RALGAPA1: variants seen among roughly 807,000 people sequenced by gnomAD.
RALGAPA1 encodes Ral GTPase activating protein catalytic subunit alpha 1.
In RALGAPA1, 52 loss-of-function variants were observed where a neutral mutation model predicts 269.6. The ratio of observed to expected loss-of-function variants is 0.19; its 90% confidence interval spans 0.15 to 0.24. RALGAPA1 has a LOEUF of 0.24. Among genes scored for constraint, RALGAPA1 ranks in the 10% least tolerant of loss-of-function variants. The pLI, the probability that RALGAPA1 is intolerant of heterozygous loss-of-function variation, is 1.00. For synonymous variants in RALGAPA1, 817 were observed against 1,008.3 expected, an observed-to-expected ratio of 0.81 and a Z score of 3.60; for missense variants, 1,917 against 3,013.9, an observed-to-expected ratio of 0.64 and a Z score of 8.52.
At chr14:35,804,508 G>A in intron 1 of RALGAPA1, among the ~76,000 whole-genome samples, 1 of 151,882 alleles carries the variant, frequency 6.6e-6, no homozygotes, top group East Asian at 1.9e-4. Flanking sequence ...GGCAGAGATT[G>A]CAGTGAGCCG....
intron 4 of RALGAPA1, 148 bp downstream of exon 4, chr14:35,770,794 T>C (rs1183866378): frequency 1.8e-5 from 6 of 340,518 alleles, no homozygotes; most frequent in African/African-American, 6.4e-5. Context: ...ATTTTTCTTA[T>C]ATTCCTAGTC....
intron 16 of RALGAPA1, among the ~76,000 whole-genome samples, chr14:35,714,094 A>T (rs1432297276): frequency 7.4e-6 from 1 of 135,388 alleles, no homozygotes; most frequent in African/African-American, 2.8e-5. Context: ...GACTCCGTCT[A>T]AAAAAAAAAA....
At position 35,539,600 on chromosome 14, in the gene RALGAPA1, C is replaced by T. The variant is rs2053777580; in HGVS notation, c.*114G>A. ...CAGCTTCATGGACATGCGGCTTTTGCTAGTTCGAGGAGACATTGGAGAGGC... is the reference window on the plus strand; with the variant it reads ...CAGCTTCATGGACATGCGGCTTTTGTTAGTTCGAGGAGACATTGGAGAGGC... On this transcript the variant is annotated 3_prime_UTR_variant, in exon 42 of 42. Transcript: ENST00000680220. 1 of 1,613,852 alleles carries T rather than the reference C, an allele frequency of 6.2e-7. No individual in the cohort carries two copies. Among genetic ancestry groups the T allele is most frequent in the Non-Finnish European group, 8.5e-7 (1 of 1,180,042 alleles).
intron 17 of RALGAPA1, among the ~76,000 whole-genome samples, chr14:35,695,024 G>A (rs2066789071): frequency 6.6e-6 from 1 of 152,088 alleles, no homozygotes; most frequent in Non-Finnish European, 1.5e-5. Context: ...AGGTTGCAGT[G>A]AGCCAAGATT....
chr14:35,709,263 G>A (rs924346647), intron 16 of RALGAPA1, among the ~76,000 whole-genome samples: 1 of 152,034 alleles, frequency 6.6e-6, no homozygotes, highest in African/African-American at 2.4e-5. Flanking sequence ...AATGTTTGAG[G>A]TAATGAATAC....
chr14:35,721,903 T>C, intron 15 of RALGAPA1, 54 bp from the exon 16 acceptor site: 1 of 1,477,570 alleles, frequency 6.8e-7, no homozygotes, highest in Non-Finnish European at 9.4e-7. Flanking sequence ...AATAATATCT[T>C]CAAGTTATGC....
intron 40 of RALGAPA1, 113 bp from the exon 41 acceptor site, chr14:35,548,651 C>T (rs1265284867): frequency 1.0e-5 from 7 of 686,478 alleles, no homozygotes; most frequent in South Asian, 4.2e-5. Context: ...TCATAAAATG[C>T]AGTACCCTCT....
At chr14:35,777,496 T>C (rs1595521816) in intron 1 of RALGAPA1, among the ~76,000 whole-genome samples, 1 of 152,204 alleles carries the variant, frequency 6.6e-6, no homozygotes, top group Non-Finnish European at 1.5e-5. Context: ...TTTATGTACT[T>C]CCTACTATTC....
At chr14:35,651,281 T>C (rs550270940) in intron 31 of RALGAPA1, among the ~76,000 whole-genome samples, 1 of 152,160 alleles carries the variant, frequency 6.6e-6, no homozygotes, top group South Asian at 2.1e-4. Flanking sequence ...TATGGAAACT[T>C]AAAAACAAAA....
At chr14:35,738,803 A>G (rs1216425417) in intron 11 of RALGAPA1, among the ~76,000 whole-genome samples, 153 bp from the exon 12 acceptor site, 1 of 152,222 alleles carries the variant, frequency 6.6e-6, no homozygotes, top group African/African-American at 2.4e-5. Context: ...TCCAAAAACA[A>G]TGTATATTCA....
intron 36 of RALGAPA1, among the ~76,000 whole-genome samples, chr14:35,596,056 G>C (rs185014588): frequency 6.6e-6 from 1 of 151,946 alleles, no homozygotes; most frequent in Non-Finnish European, 1.5e-5. Flanking sequence ...AGGTGTTAAT[G>C]GTAAATTATA....
intron 41 of RALGAPA1, among the ~76,000 whole-genome samples, chr14:35,544,977 G>A (rs950067643): frequency 6.6e-6 from 1 of 152,090 alleles, no homozygotes; most frequent in South Asian, 2.1e-4. Flanking sequence ...AACCCGGGAG[G>A]TGGAGGTTGC....
intron 24 of RALGAPA1, among the ~76,000 whole-genome samples, chr14:35,673,954 T>C (rs2064725882): frequency 6.6e-6 from 1 of 152,216 alleles, no homozygotes; most frequent in Non-Finnish European, 1.5e-5. Flanking sequence ...AATACAGACA[T>C]ACCTCTCTAT....
Position 35,747,247 on chromosome 14 carries a change from TAA to T in RALGAPA1, c.1251+1336_1251+1337del, listed in dbSNP as rs1461009211. ...AATGCTTCAGAGGTTAAAAGGATTATAAGAGGATGTGATAAGCTTTGTCAACA... is the reference window on the plus strand; with the variant it reads ...AATGCTTCAGAGGTTAAAAGGATTATGAGGATGTGATAAGCTTTGTCAACA... On this transcript the variant is annotated intron_variant, in intron 10 of 41. Transcript: ENST00000680220. Among the ~76,000 whole-genome samples the T allele has an allele frequency of 2.6e-5, 4 of 152,148 alleles. No individual in the cohort carries two copies. In the East Asian group the frequency reaches 7.7e-4, roughly 29 times the overall value.
chr14:35,594,890 T>G (rs2058839440), intron 37 of RALGAPA1, among the ~76,000 whole-genome samples: 1 of 151,986 alleles, frequency 6.6e-6, no homozygotes, highest in South Asian at 2.1e-4. Flanking sequence ...AACCAAGATA[T>G]GCAAAACTGT....
chr14:35,788,732 T>C (rs1233010424), intron 1 of RALGAPA1, among the ~76,000 whole-genome samples: 1 of 152,228 alleles, frequency 6.6e-6, no homozygotes, highest in Non-Finnish European at 1.5e-5. Flanking sequence ...ATAAATATTT[T>C]TCAGTTAAAG....
chr14:35,713,318 G>T (rs902182684), intron 16 of RALGAPA1, among the ~76,000 whole-genome samples: 1 of 152,146 alleles, frequency 6.6e-6, no homozygotes, highest in African/African-American at 2.4e-5. Context: ...AGAGTTTGGG[G>T]ATATAGGAGA....
chr14:35,711,823 C>A (rs1213095531), intron 16 of RALGAPA1, among the ~76,000 whole-genome samples: 1 of 152,176 alleles, frequency 6.6e-6, no homozygotes, highest in African/African-American at 2.4e-5. Flanking sequence ...GCTAGACATA[C>A]TTAAAAGGAT....
chr14:35,554,152 C>G (rs1273265762), intron 39 of RALGAPA1, among the ~76,000 whole-genome samples: 1 of 152,016 alleles, frequency 6.6e-6, no homozygotes, highest in East Asian at 1.9e-4. Context: ...AATCTGAGTA[C>G]TACTTAAGTT....
Sources: allele counts gnomAD v4.1 joint callset (sites outside exome capture counted in the v4.1 genomes callset), GRCh38; gene constraint gnomAD v4.1.1; transcripts MANE v1.5; gene names NCBI Gene and HGNC (gene_info 2026-07-23, HGNC 2026-07-21).